The following ADAMDEC1 variants were observed in gnomAD, a reference collection of about 807,000 sequenced individuals.
ADAMDEC1 encodes the protein ADAM DEC1.
A neutral mutation model predicts 60.4 loss-of-function variants in ADAMDEC1; 62 were observed. The observed-to-expected ratio is 1.03, with a 90% confidence interval of 0.84 to 1.27. The LOEUF is 1.27. ADAMDEC1 is among the 50% of genes most tolerant of loss of function. The pLI is 0.00. For synonymous variants in ADAMDEC1, 210 were observed against 195.1 expected (o/e 1.08, Z -0.64); for missense variants, 595 against 565.0 (o/e 1.05, Z -0.54).
At chr8:24,400,362 C>G (rs896298316) in intron 11 of ADAMDEC1, 62 bp downstream of exon 11, 32 of 1,497,732 alleles carry the variant, frequency 2.1e-5, no homozygotes, top group Non-Finnish European at 5.4e-6. Context: ...TTTCTGAAGA[C>G]ACATATTATT....
In ADAMDEC1 at chr8:24,387,933, G is replaced by C. The variant is rs1011708313; in HGVS notation, c.88+3341G>C. The C allele has an allele frequency of 3.3e-5, 5 of 152,852 alleles. No homozygotes were observed. The East Asian group carries it at 9.6e-4, about 29-fold the overall frequency. 9.5% of individuals were successfully genotyped at this position (152,852 alleles called of 1,614,324 possible). ...ACTGCCTGGCTCTGGTGTCCAAAGA[G>C]CAGCCCGGAGAAGCTGGAGCTGCTT... On this transcript the variant is annotated intron_variant, in intron 1 of 13. Transcript: ENST00000256412.
intron 9 of ADAMDEC1, 95 bp downstream of exon 9, chr8:24,399,135 C>A: frequency 7.3e-7 from 1 of 1,377,350 alleles, no homozygotes; most frequent in African/African-American, 1.4e-5. Context: ...TTTCCCTGAT[C>A]AACTGTCAGA....
chr8:24,399,387 A>G lies in ADAMDEC1; in HGVS notation c.930-6A>G, dbSNP rs777326505. 4.3e-6 allele frequency: 7 copies of G among 1,613,378 alleles called. No individual in the cohort carries two copies. In the East Asian group the frequency reaches 8.9e-5, roughly 21 times the overall value. On this transcript the variant is annotated splice_polypyrimidine_tract_variant and splice_region_variant and intron_variant, in intron 9 of 13. Coordinates refer to ENST00000256412, the MANE Select transcript of ADAMDEC1 (RefSeq NM_014479.3). ...GTGACAGTAGTATCTGTAACTTTTC[A>G]TACAGCGGGATTAGCTTCAACAATC...
chr8:24,403,855 C>T (rs2129363191), intron 12 of ADAMDEC1, 148 bp from the exon 13 acceptor site: 1 of 576,768 alleles, frequency 1.7e-6, no homozygotes, highest in South Asian at 2.6e-5. Flanking sequence ...TTTCAATGTC[C>T]TTGGTCATTT....
chr8:24,389,658 A>G (rs1400731818), intron 1 of ADAMDEC1, among the ~76,000 whole-genome samples: 1 of 152,164 alleles, frequency 6.6e-6, no homozygotes, highest in Non-Finnish European at 1.5e-5. Flanking sequence ...GTCTTGCACA[A>G]TCTATTCATT....
intron 4 of ADAMDEC1, among the ~76,000 whole-genome samples, chr8:24,394,571 T>C (rs1817556332): frequency 6.6e-6 from 1 of 152,160 alleles, no homozygotes; most frequent in Non-Finnish European, 1.5e-5. Context: ...TCTGATTAAA[T>C]CATCATCCCG....
intron 1 of ADAMDEC1, among the ~76,000 whole-genome samples, chr8:24,390,655 G>A (rs1489870795): frequency 1.3e-5 from 2 of 152,192 alleles, no homozygotes; most frequent in African/African-American, 4.8e-5. Context: ...GGGAGGCAGA[G>A]GTTGCAGTGA....
chr8:24,397,820 A>C (rs567047325), intron 7 of ADAMDEC1, 75 bp downstream of exon 7: 11 of 1,426,584 alleles, frequency 7.7e-6, no homozygotes, highest in Non-Finnish European at 1.1e-5. Flanking sequence ...AAAGCAAGCA[A>C]TAAACTATTT....
Position 24,405,484 on chromosome 8 carries a change from G to A in ADAMDEC1, c.*186G>A, listed in dbSNP as rs989725620. The A allele has an allele frequency of 1.9e-6, 1 of 524,318 alleles. No homozygotes were observed. The highest frequency in any genetic ancestry group is 3.3e-6 in the Non-Finnish European group (1 of 306,434). The allele number at this position is 524,318 out of a possible 1,614,324, so 32.5% of individuals were successfully genotyped here. ...TTAGAGACATTGGCTCTTTGTTTAGGCCTAATCTTTCTTTTTACTTTTTTT... is the reference window on the plus strand; with the variant it reads ...TTAGAGACATTGGCTCTTTGTTTAGACCTAATCTTTCTTTTTACTTTTTTT... On this transcript the variant is annotated 3_prime_UTR_variant, in exon 14 of 14. Transcript: ENST00000256412.
At chr8:24,391,643 C>G (rs766161817) in intron 1 of ADAMDEC1, among the ~76,000 whole-genome samples, 6 of 152,090 alleles carry the variant, frequency 3.9e-5, no homozygotes, top group Non-Finnish European at 5.9e-5. Flanking sequence ...GAGAGGCCAA[C>G]AAAAACTTTA....
At chr8:24,399,184 T>C in intron 9 of ADAMDEC1, 144 bp downstream of exon 9, 1 of 1,046,330 alleles carries the variant, frequency 9.6e-7, no homozygotes, top group Admixed American at 2.7e-5. Flanking sequence ...ACCTGTGACA[T>C]TATTGGATCA....
At chr8:24,395,404 T>C (rs2129359892) in intron 4 of ADAMDEC1, among the ~76,000 whole-genome samples, 1 of 152,280 alleles carries the variant, frequency 6.6e-6, no homozygotes, top group Middle Eastern at 3.4e-3. Context: ...AAGCATCCAC[T>C]TTCACTATGA....
At chr8:24,400,753 G>A (rs1817743070) in intron 11 of ADAMDEC1, among the ~76,000 whole-genome samples, 3 of 150,196 alleles carry the variant, frequency 2.0e-5, no homozygotes, top group Admixed American at 2.0e-4. Context: ...TAGTCATTTA[G>A]CATTAGGTAT....
intron 4 of ADAMDEC1, 67 bp downstream of exon 4, chr8:24,394,214 C>A: frequency 8.0e-7 from 1 of 1,251,876 alleles, no homozygotes. Context: ...CTAATGTTAA[C>A]TAAGATCTCC....
intron 4 of ADAMDEC1, 23 bp from the exon 5 acceptor site, chr8:24,395,697 A>G (rs765762063): frequency 6.5e-7 from 1 of 1,542,342 alleles, no homozygotes; most frequent in South Asian, 1.1e-5. Flanking sequence ...TTTCTGAAGC[A>G]TAATTTCTTT....
At chr8:24,395,578 T>G (rs1444161837) in intron 4 of ADAMDEC1, 142 bp from the exon 5 acceptor site, 3 of 595,764 alleles carry the variant, frequency 5.0e-6, no homozygotes, top group Non-Finnish European at 8.6e-6. Context: ...CAGTCACTAC[T>G]TGAAGAATTT....
chr8:24,387,173 T>C (rs1366482128), intron 1 of ADAMDEC1: 6 of 152,256 alleles, frequency 3.9e-5, no homozygotes, highest in African/African-American at 1.4e-4. Context: ...GATTGTCTTG[T>C]TGATCTTGCA....
At chr8:24,405,257 C>T in intron 13 of ADAMDEC1, 35 bp from the exon 14 acceptor site, 5 of 1,605,354 alleles carry the variant, frequency 3.1e-6, no homozygotes, top group African/African-American at 1.3e-5. Flanking sequence ...CTTGTAATAA[C>T]CCTGGCTTCC....
chr8:24,398,647 C>T lies in ADAMDEC1; in HGVS notation c.762+96C>T, dbSNP rs921178728. The T allele has an allele frequency of 4.7e-6, 5 of 1,059,420 alleles. No homozygotes were observed. The African/African-American group carries it at 6.4e-5, about 14-fold the overall frequency. The allele number at this position is 1,059,420 out of a possible 1,614,324, so 65.6% of individuals were successfully genotyped here. Reference sequence around the variant, plus strand: ...CACCAACAAGAAGTTAAAAAGATCCCAAATGTCTTAAGTTAAATAGTTCAG... The same window carrying T: ...CACCAACAAGAAGTTAAAAAGATCCTAAATGTCTTAAGTTAAATAGTTCAG... On this transcript the variant is annotated intron_variant, in intron 8 of 13. Coordinates refer to ENST00000256412, the MANE Select transcript of ADAMDEC1 (RefSeq NM_014479.3).
Sources: allele counts gnomAD v4.1 joint callset (sites outside exome capture counted in the v4.1 genomes callset), GRCh38; gene constraint gnomAD v4.1.1; transcripts MANE v1.5; gene names NCBI Gene and HGNC (gene_info 2026-07-23, HGNC 2026-07-21).